VPS36: variants seen among roughly 807,000 people sequenced by gnomAD.
VPS36 encodes vacuolar protein sorting 36 homolog, also known as vacuolar protein-sorting-associated protein 36.
In VPS36, 31 loss-of-function variants were observed where a neutral mutation model predicts 63.5. The ratio of observed to expected loss-of-function variants is 0.49; its 90% CI spans 0.37 to 0.66. The LOEUF is 0.66. Among genes scored for constraint, VPS36 ranks in the 30% least tolerant of loss-of-function variants. The probability of loss-of-function intolerance (pLI) is 0.00; values close to 1 mark genes in which losing one functional copy is unlikely to be tolerated. For missense variants in VPS36, 338 were observed against 463.7 expected, an observed-to-expected ratio of 0.73 and a Z score of 2.49; for synonymous variants, 138 against 157.2, an observed-to-expected ratio of 0.88 and a Z score of 0.91.
intron 10 of VPS36, 32 bp from the exon 11 acceptor site, chr13:52,418,088 A>G (rs775640162): frequency 1.3e-6 from 2 of 1,562,404 alleles, no homozygotes; most frequent in African/African-American, 1.4e-5. Context: ...GTAATGCTAT[A>G]CAATGGTAAT....
intron 2 of VPS36, among the ~76,000 whole-genome samples, chr13:52,439,574 T>A (rs1048052542): frequency 6.6e-6 from 1 of 152,028 alleles, no homozygotes. Context: ...GCCTCCCGAG[T>A]AGCTGGGACT....
intron 2 of VPS36, among the ~76,000 whole-genome samples, chr13:52,439,539 G>C (rs1958253064): frequency 1.3e-5 from 2 of 151,896 alleles, no homozygotes; most frequent in African/African-American, 2.4e-5. Flanking sequence ...TCTGCCTCCT[G>C]GGTTAACACC....
intron 4 of VPS36, 22 bp downstream of exon 4, chr13:52,436,268 T>C (rs1266825240): frequency 6.6e-7 from 1 of 1,515,086 alleles, no homozygotes; most frequent in Non-Finnish European, 9.1e-7. Context: ...TCTAGTACGA[T>C]TTTATTCATG....
chr13:52,421,517 G>T (rs1958046330), intron 10 of VPS36, among the ~76,000 whole-genome samples: 1 of 146,756 alleles, frequency 6.8e-6, no homozygotes, highest in Admixed American at 6.8e-5. Flanking sequence ...CTGTTTCTGA[G>T]TAGGTTTTTT....
intron 1 of VPS36, among the ~76,000 whole-genome samples, chr13:52,446,718 A>T (rs1280499088): frequency 6.6e-6 from 1 of 152,154 alleles, no homozygotes; most frequent in Non-Finnish European, 1.5e-5. Context: ...AATAACTCAT[A>T]CCAGCCAGAG....
intron 2 of VPS36, among the ~76,000 whole-genome samples, chr13:52,440,948 A>C (rs1205560515): frequency 6.6e-6 from 1 of 152,130 alleles, no homozygotes; most frequent in Admixed American, 6.6e-5. Context: ...AGACTCTCAA[A>C]GGGAGGGCAT....
At chr13:52,420,462 A>G (rs1958035196) in intron 10 of VPS36, among the ~76,000 whole-genome samples, 1 of 151,236 alleles carries the variant, frequency 6.6e-6, no homozygotes. Flanking sequence ...CCTCCCAAGT[A>G]GCTGGGATTA....
chr13:52,420,575 T>A (rs1285494321), intron 10 of VPS36, among the ~76,000 whole-genome samples: 1 of 151,772 alleles, frequency 6.6e-6, no homozygotes, highest in Non-Finnish European at 1.5e-5. Flanking sequence ...TCAGGCGATC[T>A]GCCTGCCTCA....
At chr13:52,426,598 C>T (rs1469899184) in intron 8 of VPS36, among the ~76,000 whole-genome samples, 1 of 152,130 alleles carries the variant, frequency 6.6e-6, no homozygotes, top group Non-Finnish European at 1.5e-5. Context: ...ACAGGCTGGG[C>T]GTGGTGGTTC....
chr13:52,439,379 A>G (rs1414608918), intron 2 of VPS36, among the ~76,000 whole-genome samples: 1 of 152,208 alleles, frequency 6.6e-6, no homozygotes, highest in African/African-American at 2.4e-5. Flanking sequence ...GAACATAAGA[A>G]GTTTAAAAGA....
At chr13:52,438,688 T>G (rs1002618531) in intron 3 of VPS36, among the ~76,000 whole-genome samples, 1 of 152,226 alleles carries the variant, frequency 6.6e-6, no homozygotes, top group Non-Finnish European at 1.5e-5. Flanking sequence ...AATTGTTCAT[T>G]GTACCCCCTA....
In VPS36 at chr13:52,440,703, T is replaced by C. The variant is rs145088958; in HGVS notation, c.166-1535A>G. On this transcript the variant is annotated intron_variant, in intron 2 of 13. Coordinates refer to ENST00000378060, the MANE Select transcript of VPS36 (RefSeq NM_016075.4). ...TCTTTATATGATAATCAAAAAATTA[T>C]ACTAAGATTAACTTATCAACATATG... 8.3e-3 allele frequency among the ~76,000 whole-genome samples: 1,258 copies of C among 152,344 alleles called. 12 individuals carry two copies. The highest frequency in any genetic ancestry group is 0.013 in the Non-Finnish European group (892 of 68,024).
At chr13:52,431,173 G>C (rs1958151044) in intron 6 of VPS36, among the ~76,000 whole-genome samples, 1 of 152,096 alleles carries the variant, frequency 6.6e-6, no homozygotes, top group African/African-American at 2.4e-5. Context: ...CTGAGGCAGA[G>C]AGTGTATGTA....
chr13:52,434,202 T>C (rs967837322), intron 5 of VPS36, among the ~76,000 whole-genome samples: 2 of 152,190 alleles, frequency 1.3e-5, no homozygotes, highest in South Asian at 4.1e-4. Context: ...CCAGCTGTAC[T>C]GTCTATTCTC....
chr13:52,432,907 T>C (rs1295361468), intron 6 of VPS36, among the ~76,000 whole-genome samples: 3 of 152,242 alleles, frequency 2.0e-5, no homozygotes, highest in Non-Finnish European at 2.9e-5. Context: ...TAGACTTTAC[T>C]TGATTGACAT....
intron 4 of VPS36, 50 bp from the exon 5 acceptor site, chr13:52,434,932 C>A: frequency 2.1e-6 from 3 of 1,458,998 alleles, no homozygotes; most frequent in Non-Finnish European, 1.9e-6. Context: ...ATTGTAACAT[C>A]CTTGTATAAA....
chr13:52,426,846 C>A (rs906870299), intron 8 of VPS36, 143 bp downstream of exon 8: 1 of 567,282 alleles, frequency 1.8e-6, no homozygotes, highest in African/African-American at 2.0e-5. Context: ...CGGAGCGACA[C>A]TCCGTCTCAT....
At chr13:52,436,247 AC>A in intron 4 of VPS36, 42 bp downstream of exon 4, 1 of 1,395,930 alleles carries the variant, frequency 7.2e-7, no homozygotes, top group African/African-American at 1.4e-5. Flanking sequence ...ACACACACAC[AC>A]ACACACCTTT....
chr13:52,434,896 A>T lies in VPS36; in HGVS notation c.352-14T>A. The T allele has an allele frequency of 6.2e-7, 1 of 1,607,574 alleles. No homozygotes were observed. The highest frequency in any genetic ancestry group is 8.5e-7 in the Non-Finnish European group (1 of 1,175,146). On this transcript the variant is annotated splice_polypyrimidine_tract_variant and intron_variant, in intron 4 of 13. Coordinates refer to ENST00000378060, the MANE Select transcript of VPS36 (RefSeq NM_016075.4). ...ACGCCTGTAAAACTGATACGCAAAT[A>T]AATACACTTTAAATGACTCAGTCAG...
Sources: gnomAD v4.1 joint callset for allele counts (sites outside exome capture counted in the v4.1 genomes callset) on GRCh38, gnomAD v4.1.1 for gene constraint, MANE v1.5 for transcripts, NCBI Gene and HGNC (gene_info 2026-07-23, HGNC 2026-07-21) for gene names.